Variants in ZNF248 observed in about 807,000 individuals in gnomAD.
The protein encoded by ZNF248 is KRAB protein domain.
Under a neutral mutation model 44.3 loss-of-function variants are expected in ZNF248, and 20 were observed. The observed-to-expected ratio is 0.45, with a 90% CI of 0.32 to 0.66. ZNF248 has a LOEUF of 0.66. Among genes scored for constraint, ZNF248 ranks in the 30% least tolerant of loss-of-function variants. The pLI, the probability that ZNF248 is intolerant of heterozygous loss-of-function variation, is 0.04. For missense variants in ZNF248, 654 were observed against 677.0 expected, an observed-to-expected ratio of 0.97 and a Z score of 0.38; for synonymous variants, 224 against 229.0, an observed-to-expected ratio of 0.98 and a Z score of 0.20.
intron 6 of ZNF248, among the ~76,000 whole-genome samples, chr10:37,789,577 A>G (rs577127604): frequency 5.3e-5 from 8 of 152,220 alleles, no homozygotes; most frequent in Non-Finnish European, 1.2e-4. Flanking sequence ...GTAAAACATA[A>G]TTATAGAACA....
intron 3 of ZNF248, among the ~76,000 whole-genome samples, chr10:37,845,237 C>T (rs565299158): frequency 1.3e-5 from 2 of 151,878 alleles, no homozygotes; most frequent in African/African-American, 2.4e-5. Context: ...AGGCTGGTCT[C>T]GAACTCCTGG....
chr10:37,761,615 A>G, the ZNF248 span, among the ~76,000 whole-genome samples: 3 of 152,244 alleles, frequency 2.0e-5, no homozygotes, highest in East Asian at 5.8e-4. Flanking sequence ...GTTTCTTACA[A>G]TGGAATAGTG....
the ZNF248 span, among the ~76,000 whole-genome samples, chr10:37,760,839 GA>G: frequency 8.6e-5 from 13 of 151,778 alleles, no homozygotes; most frequent in Admixed American, 5.2e-4. Flanking sequence ...TGTCTTGGGG[GA>G]AAAAAAAGTA....
chr10:37,821,506 A>G (rs1052877969), intron 6 of ZNF248, among the ~76,000 whole-genome samples: 2 of 152,126 alleles, frequency 1.3e-5, no homozygotes, highest in Non-Finnish European at 2.9e-5. Context: ...CAACTCTTCA[A>G]TCACATTCAA....
At chr10:37,838,204 A>C (rs2057629473) in intron 3 of ZNF248, 93 bp from the exon 4 acceptor site, 2 of 1,238,928 alleles carry the variant, frequency 1.6e-6, no homozygotes, top group Non-Finnish European at 2.2e-6. Context: ...TTTACTAAAA[A>C]ATGACAGGTT....
At chr10:37,826,768 G>T (rs1449224842), downstream of ZNF248, among the ~76,000 whole-genome samples, 3 of 152,102 alleles carry the variant, frequency 2.0e-5, no homozygotes, top group African/African-American at 7.2e-5. Flanking sequence ...GGCTATGCCT[G>T]GATCTAATTC....
chr10:37,784,664 C>G lies in ZNF248; in HGVS notation c.331-8089G>C, dbSNP rs918356580. On this transcript the variant is annotated intron_variant, in intron 6 of 6. Transcript: ENST00000615949. The stretch of plus-strand genomic sequence containing the variant: ...CACTTTGTTCTAGACTAGATAGCAG[C>G]ATATATTGTCTCGTCCTAGTCTTGC... Among the ~76,000 whole-genome samples, 4 of 152,148 alleles carry G rather than the reference C, an allele frequency of 2.6e-5. No individual in the cohort carries two copies. In the East Asian group the frequency reaches 7.7e-4, roughly 29 times the overall value.
intron 6 of ZNF248, among the ~76,000 whole-genome samples, chr10:37,805,458 T>TA (rs1487579462): frequency 6.6e-6 from 1 of 152,176 alleles, no homozygotes; most frequent in African/African-American, 2.4e-5. Context: ...CCAACTAACT[T>TA]ACATAATTAG....
chr10:37,804,925 C>A (rs2050349731), intron 6 of ZNF248, among the ~76,000 whole-genome samples: 1 of 151,936 alleles, frequency 6.6e-6, no homozygotes, highest in Non-Finnish European at 1.5e-5. Flanking sequence ...TTTTGTATAT[C>A]AGCTTATAAA....
At chr10:37,772,202 T>G (rs1280374607), downstream of ZNF248, among the ~76,000 whole-genome samples, 1 of 151,520 alleles carries the variant, frequency 6.6e-6, no homozygotes, top group Admixed American at 6.6e-5. Flanking sequence ...GAGGTGGAGG[T>G]TGCAGTGAGC....
intron 6 of ZNF248, among the ~76,000 whole-genome samples, chr10:37,793,486 G>C (rs926982458): frequency 5.9e-5 from 9 of 152,154 alleles, no homozygotes; most frequent in African/African-American, 2.2e-4. Flanking sequence ...AAATGTTGAA[G>C]AAAGGGTATC....
At chr10:37,803,836 G>A (rs1444055559) in intron 6 of ZNF248, 1 of 152,684 alleles carries the variant, frequency 6.5e-6, no homozygotes, top group East Asian at 1.9e-4. Flanking sequence ...GGCTTACCTG[G>A]CTTAGAAACT....
At chr10:37,843,423 CAAAA>C (rs530114229) in intron 3 of ZNF248, among the ~76,000 whole-genome samples, 3 of 69,308 alleles carry the variant, frequency 4.3e-5, no homozygotes, top group Non-Finnish European at 2.8e-5. Context: ...GACTCTGCCT[CAAAA>C]AAAAAAAAAA....
At chr10:37,770,054 T>A in the ZNF248 span, among the ~76,000 whole-genome samples, 4 of 151,978 alleles carry the variant, frequency 2.6e-5, no homozygotes, top group Admixed American at 1.3e-4. Flanking sequence ...TACCTAGAAA[T>A]CCAACTTACA....
At chr10:37,772,751 G>A (rs1824301605), downstream of ZNF248, among the ~76,000 whole-genome samples, 1 of 152,128 alleles carries the variant, frequency 6.6e-6, no homozygotes, top group Admixed American at 6.6e-5. Context: ...ATTTATTCCT[G>A]TTCATCTTTC....
intron 6 of ZNF248, among the ~76,000 whole-genome samples, chr10:37,783,352 A>T (rs1389759006): frequency 1.3e-5 from 2 of 152,192 alleles, no homozygotes; most frequent in Non-Finnish European, 2.9e-5. Flanking sequence ...CTCATACCAT[A>T]TACACAAATT....
intron 6 of ZNF248, among the ~76,000 whole-genome samples, chr10:37,783,729 G>A (rs1249331359): frequency 6.6e-6 from 1 of 152,198 alleles, no homozygotes. Context: ...AGAGTTTATG[G>A]ATGGAAGGGA....
At chr10:37,836,742 G>A (rs910247290) in intron 5 of ZNF248, among the ~76,000 whole-genome samples, 1 of 149,886 alleles carries the variant, frequency 6.7e-6, no homozygotes, top group Non-Finnish European at 1.5e-5. Context: ...GCACATGGGT[G>A]TGTACATATA....
In ZNF248 at chr10:37,831,591, C is replaced by T; in HGVS notation, c.*24G>A. 6.3e-7 allele frequency: 1 copy of T among 1,597,456 alleles called. No individual in the cohort carries two copies. The highest frequency in any genetic ancestry group is 1.3e-5 in the African/African-American group (1 of 74,300). ...TTTTGAAACTGTATAACCAATTTCACAAGTGTATGAAGGCTTCTAACATTC... is the reference window on the plus strand; with the variant it reads ...TTTTGAAACTGTATAACCAATTTCATAAGTGTATGAAGGCTTCTAACATTC... On this transcript the variant is annotated 3_prime_UTR_variant, in exon 6 of 6. Coordinates refer to ENST00000395867, the MANE Select transcript of ZNF248 (RefSeq NM_021045.3).
Sources: gnomAD v4.1 joint callset for allele counts (sites outside exome capture counted in the v4.1 genomes callset) on GRCh38, gnomAD v4.1.1 for gene constraint, MANE v1.5 for transcripts, NCBI Gene and HGNC (gene_info 2026-07-23, HGNC 2026-07-21) for gene names.